The following SH3BGRL variants were observed in gnomAD, a reference collection of about 807,000 sequenced individuals.
The protein encoded by SH3BGRL is SH3 domain binding glutamate rich protein like, also known as adapter SH3BGRL.
SH3BGRL carries 7 observed loss-of-function variants against 9.8 expected under a neutral mutation model. That is an observed-to-expected ratio of 0.72 (90% CI 0.41 to 1.35). SH3BGRL has a LOEUF of 1.35. Ranked by LOEUF, SH3BGRL falls within the 40% of genes most tolerant of loss-of-function variation. SH3BGRL has a pLI of 0.01. For missense variants in SH3BGRL, 73 were observed against 84.4 expected (o/e 0.86, Z 0.53); for synonymous variants, 36 against 29.1 (o/e 1.24, Z -0.76).
At chrX:81,287,318 G>T (rs1054127758) in intron 3 of SH3BGRL, among the ~76,000 whole-genome samples, 1 of 111,587 alleles carries the variant, frequency 9.0e-6, no homozygotes, top group Non-Finnish European at 1.9e-5. Flanking sequence ...GGAATTCAAA[G>T]GATTATTAGT....
At chrX:81,208,187 G>A (rs964257069) in intron 1 of SH3BGRL, among the ~76,000 whole-genome samples, 7 of 111,029 alleles carry the variant, frequency 6.3e-5, no homozygotes, top group Non-Finnish European at 7.6e-5. Flanking sequence ...GCCTGAACCC[G>A]GAAGGCAGAG....
At chrX:81,225,957 T>C (rs2075615455) in intron 1 of SH3BGRL, among the ~76,000 whole-genome samples, 1 of 111,516 alleles carries the variant, frequency 9.0e-6, no homozygotes, top group Non-Finnish European at 1.9e-5. Flanking sequence ...CATCATTTTT[T>C]ATTAGTACAA....
At chrX:81,255,659 CG>C (rs772464957) in intron 1 of SH3BGRL, 1 of 112,069 alleles carries the variant, frequency 8.9e-6, no homozygotes, top group African/African-American at 3.2e-5. Flanking sequence ...TGTTAGATTG[CG>C]ATTCTGTCAG....
At chrX:81,214,213 T>G (rs2075574449) in intron 1 of SH3BGRL, among the ~76,000 whole-genome samples, 1 of 111,435 alleles carries the variant, frequency 9.0e-6, no homozygotes, top group African/African-American at 3.3e-5. Flanking sequence ...GTCATTGAAT[T>G]CAAAATAAGG....
intron 1 of SH3BGRL, among the ~76,000 whole-genome samples, chrX:81,209,236 C>G (rs142461256): frequency 0.016 from 1,707 of 109,962 alleles, 37 homozygotes; most frequent in African/African-American, 0.054. Context: ...ACAAACTCTT[C>G]AGCTAAAGTG....
intron 1 of SH3BGRL, among the ~76,000 whole-genome samples, chrX:81,205,502 G>GTATATATA (rs770003979): frequency 9.0e-5 from 8 of 88,964 alleles, no homozygotes; most frequent in African/African-American, 3.7e-4. Context: ...GTGTGTGTGT[G>GTATATATA]TGTATATATA....
intron 1 of SH3BGRL, among the ~76,000 whole-genome samples, chrX:81,257,363 T>A (rs770102070): frequency 3.6e-5 from 4 of 112,118 alleles, no homozygotes; most frequent in Non-Finnish European, 3.8e-5. Flanking sequence ...TAGTTTTCTA[T>A]GCTGTGTAAC....
At chrX:81,223,704 C>T (rs1408202866) in intron 1 of SH3BGRL, among the ~76,000 whole-genome samples, 1 of 108,450 alleles carries the variant, frequency 9.2e-6, no homozygotes, top group Non-Finnish European at 1.9e-5. Context: ...GTGTTTTAAA[C>T]TTTTTTTTTT....
At chrX:81,235,547 A>G (rs1355405299) in intron 1 of SH3BGRL, among the ~76,000 whole-genome samples, 1 of 111,294 alleles carries the variant, frequency 9.0e-6, no homozygotes, top group African/African-American at 3.3e-5. Context: ...CAGATATGAT[A>G]TATAGACTAC....
At chrX:81,249,059 A>G (rs1739290615) in intron 1 of SH3BGRL, among the ~76,000 whole-genome samples, 1 of 112,136 alleles carries the variant, frequency 8.9e-6, no homozygotes, top group African/African-American at 3.2e-5. Flanking sequence ...TATATGCACT[A>G]TGTTGTTATT....
chrX:81,287,361 G>A (rs1480574298), intron 3 of SH3BGRL, among the ~76,000 whole-genome samples: 1 of 111,511 alleles, frequency 9.0e-6, no homozygotes, highest in African/African-American at 3.3e-5. Context: ...CCAATAAATT[G>A]GAAATTCTAG....
At chrX:81,213,417 A>G (rs5959084) in intron 1 of SH3BGRL, among the ~76,000 whole-genome samples, 2 of 112,292 alleles carry the variant, frequency 1.8e-5, no homozygotes, top group African/African-American at 6.5e-5. Flanking sequence ...GTGAGTCATT[A>G]TGCTAGGTAA....
At chrX:81,213,216 T>G (rs757562837) in intron 1 of SH3BGRL, among the ~76,000 whole-genome samples, 1 of 111,658 alleles carries the variant, frequency 9.0e-6, no homozygotes, top group East Asian at 2.8e-4. Flanking sequence ...AAAGCAGTTA[T>G]AAGAAAAAAA....
At chrX:81,286,193 T>C (rs1483538205) in intron 3 of SH3BGRL, among the ~76,000 whole-genome samples, 2 of 111,256 alleles carry the variant, frequency 1.8e-5, no homozygotes, top group African/African-American at 6.5e-5. Context: ...TTTTGAGATA[T>C]GAAATAAGAT....
rs891321744 is a variant in SH3BGRL, at chrX:81,226,667, C to T, written c.45+24422C>T. Among the ~76,000 whole-genome samples, 14 of 105,587 alleles carry T rather than the reference C, an allele frequency of 1.3e-4. No individual in the cohort carries two copies. In the Admixed American group the frequency reaches 1.5e-3, roughly 11 times the overall value. 91.7% of individuals were successfully genotyped at this position (105,587 alleles called of 115,157 possible). A position where few individuals can be genotyped will look rare whatever the true frequency, so the allele number is the denominator to read the frequency against. On this transcript the variant is annotated intron_variant, in intron 1 of 3. Coordinates refer to ENST00000373212, the MANE Select transcript of SH3BGRL (RefSeq NM_003022.3). ...AGGTGGGCCCTAAATGTAATAACAA[C>T]GGTCTTTTTAGTAGAAAGGCAGAGG...
At chrX:81,273,516 T>C (rs1442400526) in intron 1 of SH3BGRL, among the ~76,000 whole-genome samples, 2 of 112,137 alleles carry the variant, frequency 1.8e-5, no homozygotes, top group African/African-American at 6.5e-5. Context: ...ATTGTTGAAT[T>C]ACTTCTGACA....
At chrX:81,237,065 G>T in intron 1 of SH3BGRL, 1 of 903,149 alleles carries the variant, frequency 1.1e-6, no homozygotes, top group Non-Finnish European at 1.4e-6. Context: ...CTATGGTAGT[G>T]AGAGAAAAGT....
rs2075700708 is a variant in SH3BGRL, at chrX:81,249,100, T to G, written c.46-27884T>G. 2.7e-5 allele frequency among the ~76,000 whole-genome samples: 3 copies of G among 111,506 alleles called. No individual in the cohort carries two copies. In the South Asian group the frequency reaches 1.1e-3, roughly 41 times the overall value. On this transcript the variant is annotated intron_variant, in intron 1 of 3. Coordinates refer to ENST00000373212, the MANE Select transcript of SH3BGRL (RefSeq NM_003022.3). ...GTGCCTGAGGCATGCTCAAATACGC[T>G]GTCTTGGGAAAACAAAACAAAACAA...
At chrX:81,206,043 T>A (rs1248071012) in intron 1 of SH3BGRL, among the ~76,000 whole-genome samples, 1 of 111,918 alleles carries the variant, frequency 8.9e-6, no homozygotes, top group Admixed American at 9.5e-5. Context: ...ATTTGCCATT[T>A]AAAAAAATTG....
Sources: allele counts gnomAD v4.1 joint callset (sites outside exome capture counted in the v4.1 genomes callset), GRCh38; gene constraint gnomAD v4.1.1; transcripts MANE v1.5; gene names NCBI Gene and HGNC (gene_info 2026-07-23, HGNC 2026-07-21).